Variants in LYPD6B observed in about 807,000 individuals in gnomAD.
The protein encoded by LYPD6B is LY6/PLAUR domain containing 6B.
A neutral mutation model predicts 22.8 loss-of-function variants in LYPD6B; 17 were observed. The observed-to-expected ratio is 0.75, with a 90% CI of 0.51 to 1.12. The LOEUF is 1.12. Ranked by LOEUF, LYPD6B falls within the 50% of genes most tolerant of loss-of-function variation. LYPD6B has a pLI of 0.00. For missense variants in LYPD6B, 221 were observed against 258.3 expected (o/e 0.86, Z 0.99); for synonymous variants, 106 against 91.6 (o/e 1.16, Z -0.90).
intron 1 of LYPD6B, among the ~76,000 whole-genome samples, chr2:149,068,444 C>T (rs1684441957): frequency 6.6e-6 from 1 of 152,148 alleles, no homozygotes; most frequent in Admixed American, 6.5e-5. Context: ...TTTCAGAGAA[C>T]ATTAGTAACA....
chr2:149,094,655 T>C (rs1685820446), intron 1 of LYPD6B, among the ~76,000 whole-genome samples: 1 of 152,202 alleles, frequency 6.6e-6, no homozygotes, highest in Non-Finnish European at 1.5e-5. Flanking sequence ...CAAAAATAGA[T>C]TTTACTTTAA....
intron 1 of LYPD6B, among the ~76,000 whole-genome samples, chr2:149,120,767 C>T: frequency 7.0e-6 from 1 of 141,988 alleles, no homozygotes; most frequent in Non-Finnish European, 1.5e-5. Flanking sequence ...ACATTTTTTG[C>T]TACTATGCTA....
rs76406716 is a variant in LYPD6B at position 149,210,158 on chromosome 2, A to G, written c.328+1746A>G. On this transcript the variant is annotated intron_variant, in intron 5 of 6. Coordinates refer to ENST00000409642, the MANE Select transcript of LYPD6B (RefSeq NM_177964.5). ...AACACTGCTCCTTCTAGGTCTGTAC[A>G]TAATGCTCCAACTTGTCATTAGTTG... Among the ~76,000 whole-genome samples, 1,270 of 152,316 alleles carry G rather than the reference A, an allele frequency of 8.3e-3. 49 individuals are homozygous for G. Among genetic ancestry groups the G allele is most frequent in the Admixed American group, 0.065 (991 of 15,304 alleles).
chr2:149,140,623 T>C (rs73017042), intron 2 of LYPD6B, among the ~76,000 whole-genome samples: 120,797 of 151,938 alleles, frequency 0.8, 48,147 homozygotes, highest in South Asian at 0.81. Flanking sequence ...TCTTTAAGCT[T>C]ATCCTTGCAT....
intron 1 of LYPD6B, among the ~76,000 whole-genome samples, chr2:149,109,028 C>A (rs188632188): frequency 9.2e-4 from 140 of 151,934 alleles, no homozygotes; most frequent in African/African-American, 3.1e-3. Flanking sequence ...TGTAAGGGTC[C>A]CCACAATACA....
At chr2:149,160,919 C>T (rs1690021942) in intron 3 of LYPD6B, 84 bp downstream of exon 3, 1 of 997,514 alleles carries the variant, frequency 1.0e-6, no homozygotes. Flanking sequence ...TCCTGAAAGT[C>T]CCGGGACCCT....
At chr2:149,211,770 T>C (rs867621345) in intron 5 of LYPD6B, among the ~76,000 whole-genome samples, 107 of 152,320 alleles carry the variant, frequency 7.0e-4, no homozygotes, top group African/African-American at 2.4e-3. Flanking sequence ...TTGTAGTCTC[T>C]GATCAGTAAA....
chr2:149,060,873 G>T (rs921627217), intron 1 of LYPD6B, among the ~76,000 whole-genome samples: 1 of 152,166 alleles, frequency 6.6e-6, no homozygotes, highest in Admixed American at 6.5e-5. Context: ...CATCTTTGTA[G>T]CTTCCCAGAG....
rs1307743668 is a variant in LYPD6B, at chr2:149,124,800, T to C, written c.-66-6083T>C. Among the ~76,000 whole-genome samples, 12 of 152,244 alleles carry C rather than the reference T, an allele frequency of 7.9e-5. No individual in the cohort carries two copies. The South Asian group carries it at 2.1e-3, about 26-fold the overall frequency. On this transcript the variant is annotated intron_variant, in intron 1 of 6. Coordinates refer to ENST00000409642, the MANE Select transcript of LYPD6B (RefSeq NM_177964.5). ...AGGAGCCCGAATTCTACAAGTTAGG[T>C]TCCAATTGCAGTGTTGCTCATCCCC...
chr2:149,113,473 G>T (rs1436782811), intron 1 of LYPD6B, among the ~76,000 whole-genome samples: 1 of 152,122 alleles, frequency 6.6e-6, no homozygotes, highest in African/African-American at 2.4e-5. Context: ...CATTTGAGAT[G>T]GGAAGAGACT....
chr2:149,120,375 A>ATTTTTTTTTTT (rs1454444460), intron 1 of LYPD6B, among the ~76,000 whole-genome samples: 1 of 30,712 alleles, frequency 3.3e-5, no homozygotes, highest in African/African-American at 1.6e-4. Context: ...ATATATATAT[A>ATTTTTTTTTTT]TATATATATT....
chr2:149,097,420 A>G (rs1223630569), intron 1 of LYPD6B, among the ~76,000 whole-genome samples: 2 of 152,234 alleles, frequency 1.3e-5, no homozygotes, highest in East Asian at 1.9e-4. Context: ...AAATGCCAGG[A>G]CACCCAATTA....
intron 3 of LYPD6B, among the ~76,000 whole-genome samples, chr2:149,177,019 G>T (rs1468519363): frequency 5.9e-5 from 9 of 152,158 alleles, no homozygotes; most frequent in South Asian, 2.1e-4. Flanking sequence ...TGTTTATGAA[G>T]ATTTGAAGTG....
intron 1 of LYPD6B, among the ~76,000 whole-genome samples, chr2:149,050,437 T>A (rs1335175740): frequency 6.6e-6 from 1 of 152,220 alleles, no homozygotes; most frequent in Non-Finnish European, 1.5e-5. Flanking sequence ...TATTACATCA[T>A]TGGTATCGTG....
At position 149,214,865 on chromosome 2, in the gene LYPD6B, G is replaced by T; in HGVS notation, c.*155G>T. 2.5e-6 allele frequency: 2 copies of T among 789,312 alleles called. No individual in the cohort carries two copies. The highest frequency in any genetic ancestry group is 4.2e-6 in the Non-Finnish European group (2 of 477,962). The allele number at this position is 789,312 out of a possible 1,614,324, so 48.9% of individuals were successfully genotyped here. On this transcript the variant is annotated 3_prime_UTR_variant, in exon 7 of 7. Coordinates refer to ENST00000409642, the MANE Select transcript of LYPD6B (RefSeq NM_177964.5). ...AGCCAGTGGTTTGCTTGGATAAAAT[G>T]TTCCCGCATGAGGCCACAGGACTGA... is the stretch of plus-strand genomic sequence containing the variant.
At chr2:149,096,403 G>A (rs540979240) in intron 1 of LYPD6B, among the ~76,000 whole-genome samples, 1 of 152,294 alleles carries the variant, frequency 6.6e-6, no homozygotes, top group South Asian at 2.1e-4. Flanking sequence ...ACAAATGTAA[G>A]TTTGTTGAAT....
chr2:149,061,007 T>A (rs1001739027), intron 1 of LYPD6B, among the ~76,000 whole-genome samples: 2 of 152,066 alleles, frequency 1.3e-5, no homozygotes, highest in African/African-American at 2.4e-5. Context: ...GCAAATGTGT[T>A]CTTTCTCTTG....
intron 3 of LYPD6B, among the ~76,000 whole-genome samples, chr2:149,198,877 A>G (rs896351630): frequency 2.0e-5 from 3 of 152,170 alleles, no homozygotes; most frequent in Non-Finnish European, 4.4e-5. Flanking sequence ...TTCTTCATTA[A>G]TCTCTTTCCA....
At chr2:149,096,994 G>A (rs1685932931) in intron 1 of LYPD6B, among the ~76,000 whole-genome samples, 1 of 152,172 alleles carries the variant, frequency 6.6e-6, no homozygotes, top group African/African-American at 2.4e-5. Flanking sequence ...CTCAATGGGA[G>A]GCATCCAAAC....
Sources: allele counts gnomAD v4.1 joint callset (sites outside exome capture counted in the v4.1 genomes callset), GRCh38; gene constraint gnomAD v4.1.1; transcripts MANE v1.5; gene names NCBI Gene and HGNC (gene_info 2026-07-23, HGNC 2026-07-21).